Variants in COL14A1 observed in about 807,000 individuals in gnomAD.
COL14A1 encodes collagen type XIV alpha 1 chain, also known as collagen alpha-1(XIV) chain.
A neutral mutation model predicts 230.3 loss-of-function variants in COL14A1; 136 were observed. That is an observed-to-expected ratio of 0.59 (90% CI 0.51 to 0.68). The LOEUF (loss-of-function observed/expected upper bound fraction) is 0.68, where lower values mean the gene tolerates loss of function less well. Ranked by LOEUF, COL14A1 falls within the 30% of genes least tolerant of loss-of-function variation. COL14A1 has a pLI of 0.00. For synonymous variants in COL14A1, 792 were observed against 784.1 expected, an observed-to-expected ratio of 1.01 and a Z score of -0.17; for missense variants, 1,976 against 2,215.8, an observed-to-expected ratio of 0.89 and a Z score of 2.17.
At chr8:120,167,436 G>A (rs1815941717) in intron 4 of COL14A1, among the ~76,000 whole-genome samples, 1 of 152,178 alleles carries the variant, frequency 6.6e-6, no homozygotes, top group African/African-American at 2.4e-5. Flanking sequence ...ACTGACATTT[G>A]GCAGGCTCTT....
At chr8:120,126,753 C>T (rs1814354782) in intron 1 of COL14A1, among the ~76,000 whole-genome samples, 1 of 152,066 alleles carries the variant, frequency 6.6e-6, no homozygotes, top group Admixed American at 6.5e-5. Flanking sequence ...ACAGCATGGT[C>T]CAGTCTGCAC....
In COL14A1 at chr8:120,196,866, G is replaced by GA; in HGVS notation, c.513dup (p.Phe172IlefsTer32). The GA allele has an allele frequency of 6.2e-7, 1 of 1,614,096 alleles. No homozygotes were observed. The highest frequency in any genetic ancestry group is 8.5e-7 in the Non-Finnish European group (1 of 1,179,992). ...GTCGATGGTTCATGGAGTATTGGAAGATTCAACTTCAGACTGGTTCGGCAT... is the reference window on the plus strand; with the variant it reads ...GTCGATGGTTCATGGAGTATTGGAAGAATTCAACTTCAGACTGGTTCGGCAT... On this transcript the variant is annotated frameshift_variant, in exon 6 of 48. Transcript: ENST00000297848. LOFTEE classifies it high-confidence loss of function.
chr8:120,140,484 T>C (rs986548191), intron 1 of COL14A1, among the ~76,000 whole-genome samples: 1 of 152,214 alleles, frequency 6.6e-6, no homozygotes, highest in African/African-American at 2.4e-5. Context: ...ATACTATAAA[T>C]AACAATCTCC....
chr8:120,284,621 A>G (rs1820139610), intron 32 of COL14A1, among the ~76,000 whole-genome samples: 1 of 152,236 alleles, frequency 6.6e-6, no homozygotes, highest in Non-Finnish European at 1.5e-5. Flanking sequence ...ATTTTTCAGT[A>G]CATGGAAACT....
At chr8:120,339,909 G>A (rs545659808) in intron 42 of COL14A1, among the ~76,000 whole-genome samples, 21 of 151,976 alleles carry the variant, frequency 1.4e-4, no homozygotes, top group South Asian at 2.1e-4. Context: ...GTGGTGGCAC[G>A]CACCTGTAGT....
chr8:120,314,104 C>T (rs530905135), intron 38 of COL14A1, 77 bp downstream of exon 38: 11 of 1,038,164 alleles, frequency 1.1e-5, no homozygotes, highest in African/African-American at 6.4e-5. Flanking sequence ...GAACTTTTGT[C>T]TTCTGTGTCT....
intron 1 of COL14A1, among the ~76,000 whole-genome samples, chr8:120,136,719 T>C (rs1814720659): frequency 6.6e-6 from 1 of 152,044 alleles, no homozygotes; most frequent in Admixed American, 6.6e-5. Flanking sequence ...ATCCCAGCAC[T>C]TTGGGCAGCT....
At chr8:120,350,398 A>C (rs892508411) in intron 45 of COL14A1, among the ~76,000 whole-genome samples, 2 of 133,226 alleles carry the variant, frequency 1.5e-5, no homozygotes, top group African/African-American at 6.2e-5. Flanking sequence ...ATTAACTTTA[A>C]ATGTAAATGG....
At chr8:120,343,106 C>T (rs16893945) in intron 44 of COL14A1, among the ~76,000 whole-genome samples, 3,152 of 152,242 alleles carry the variant, frequency 0.021, 112 homozygotes, top group African/African-American at 0.071. Context: ...CTGTATTTCC[C>T]TGCCCATTTG....
At position 120,197,863 on chromosome 8, in the gene COL14A1, T is replaced by G; in HGVS notation, c.645T>G (p.Phe215Leu). The G allele has an allele frequency of 6.2e-7, 1 of 1,613,684 alleles. No individual in the cohort carries two copies. Among genetic ancestry groups the G allele is most frequent in the Non-Finnish European group, 8.5e-7 (1 of 1,179,648 alleles). ...DPRIEWHLNA[F>L]STKDEVIEAV... Reference sequence around the variant, plus strand: ...GAATAGAATGGCACTTGAATGCATTTAGCACAAAAGATGAAGTGATTGAAG... The same window carrying G: ...GAATAGAATGGCACTTGAATGCATTGAGCACAAAAGATGAAGTGATTGAAG... The change falls in exon 7 of 48, where the codon TTT becomes TTG. Residue 215 changes from phenylalanine to leucine, a missense_variant. This residue lies in a region of COL14A1 where 1,791 missense variants were observed against 2,019.5 expected (regional missense o/e 0.89). Coordinates refer to ENST00000297848, the MANE Select transcript of COL14A1 (RefSeq NM_021110.4).
intron 8 of COL14A1, among the ~76,000 whole-genome samples, chr8:120,202,989 A>AATATACATATATATAT (rs1171878593): frequency 1.1e-4 from 12 of 106,552 alleles, no homozygotes; most frequent in Non-Finnish European, 2.2e-4. Context: ...AATAATTTCA[A>AATATACATATATATAT]ATATATATAT....
intron 5 of COL14A1, among the ~76,000 whole-genome samples, chr8:120,179,769 T>C (rs899682379): frequency 1.3e-5 from 2 of 152,180 alleles, no homozygotes; most frequent in Non-Finnish European, 2.9e-5. Flanking sequence ...TGAACAAAGC[T>C]GAAGGCATCA....
In COL14A1 at chr8:120,199,151, G is replaced by A. The variant is rs140844824; in HGVS notation, c.713-251G>A. Among the ~76,000 whole-genome samples, 507 of 152,290 alleles carry A rather than the reference G, an allele frequency of 3.3e-3. 8 individuals carry two copies. Among genetic ancestry groups the A allele is most frequent in the African/African-American group, 0.012 (479 of 41,570 alleles). ...AAATCTATTATCATCCATTGGCCATGAATTCAGTGTTCTTTATAAATGCTA... is the reference window on the plus strand; with the variant it reads ...AAATCTATTATCATCCATTGGCCATAAATTCAGTGTTCTTTATAAATGCTA... On this transcript the variant is annotated intron_variant, in intron 7 of 47. Transcript: ENST00000297848.
At chr8:120,212,963 G>A (rs1387795869) in intron 13 of COL14A1, among the ~76,000 whole-genome samples, 1 of 152,076 alleles carries the variant, frequency 6.6e-6, no homozygotes, top group Non-Finnish European at 1.5e-5. Flanking sequence ...ATAAAAGGAA[G>A]AACAATAATC....
intron 31 of COL14A1, among the ~76,000 whole-genome samples, chr8:120,281,723 A>T (rs60926922): frequency 6.6e-6 from 1 of 152,114 alleles, no homozygotes; most frequent in African/African-American, 2.4e-5. Context: ...AAACACAAAG[A>T]AGCTAAATGA....
intron 23 of COL14A1, among the ~76,000 whole-genome samples, chr8:120,259,764 A>T (rs951819597): frequency 1.3e-5 from 2 of 152,194 alleles, no homozygotes; most frequent in African/African-American, 2.4e-5. Context: ...TGACTCCTGG[A>T]GAGTCCCCGG....
intron 44 of COL14A1, among the ~76,000 whole-genome samples, chr8:120,342,840 T>C (rs1159980905): frequency 1.3e-5 from 2 of 152,240 alleles, no homozygotes; most frequent in Non-Finnish European, 2.9e-5. Flanking sequence ...ATTTATGGTG[T>C]TGATTTTTAT....
At chr8:120,203,985 C>A in intron 9 of COL14A1, 115 bp downstream of exon 9, 1 of 986,990 alleles carries the variant, frequency 1.0e-6, no homozygotes, top group Non-Finnish European at 1.4e-6. Flanking sequence ...ACCCCTTATT[C>A]CCCTAAGACC....
intron 37 of COL14A1, among the ~76,000 whole-genome samples, chr8:120,311,455 C>A (rs1462228856): frequency 6.6e-6 from 1 of 152,158 alleles, no homozygotes; most frequent in Non-Finnish European, 1.5e-5. Context: ...TACCCATTTC[C>A]TCCAATTACC....
Sources: gnomAD v4.1 joint callset for allele counts (sites outside exome capture counted in the v4.1 genomes callset) on GRCh38, gnomAD v4.1.1 for gene constraint, gnomAD v4.1.1 regional missense constraint, MANE v1.5 for transcripts, NCBI Gene and HGNC (gene_info 2026-07-23, HGNC 2026-07-21) for gene names.